The following SLC2A4 variants were observed in gnomAD, a reference collection of about 807,000 sequenced individuals.
SLC2A4 encodes the protein solute carrier family 2 member 4.
In SLC2A4, 31 loss-of-function variants were observed where a neutral mutation model predicts 53.3. The observed-to-expected ratio is 0.58, with a 90% CI of 0.44 to 0.78. The LOEUF (loss-of-function observed/expected upper bound fraction) is 0.78. Ranked by LOEUF, SLC2A4 falls within the 30% of genes least tolerant of loss-of-function variation. SLC2A4 has a pLI of 0.00. For missense variants in SLC2A4, 538 were observed against 655.7 expected (o/e 0.82, Z 1.96); for synonymous variants, 276 against 281.9 (o/e 0.98, Z 0.21).
chr17:7,287,136 T>G lies in SLC2A4; in HGVS notation c.*507T>G, dbSNP rs1261303420. On this transcript the variant is annotated 3_prime_UTR_variant, in exon 11 of 11. Transcript: ENST00000317370. ...AGGGGTTTTTTTTTTTTTTTTTTTT[T>G]TTTTTTTTGAGACAGTCTCGCTCTG... The G allele has an allele frequency of 1.3e-5, 2 of 159,820 alleles. No homozygotes were observed. Among genetic ancestry groups the G allele is most frequent in the African/African-American group, 5.1e-5 (2 of 39,002 alleles). 9.9% of individuals were successfully genotyped at this position (159,820 alleles called of 1,614,324 possible). A position where few individuals can be genotyped will look rare whatever the true frequency, so the allele number is the denominator to read the frequency against.
intron 1 of SLC2A4, 29 bp downstream of exon 1, chr17:7,281,996 G>T: frequency 6.5e-7 from 1 of 1,535,870 alleles, no homozygotes; most frequent in South Asian, 1.1e-5. Flanking sequence ...GGGCGGGGCG[G>T]GGGGGCACGG....
chr17:7,283,671 G>A lies in SLC2A4; in HGVS notation c.323+26G>A, dbSNP rs1328146827. ...GTTCGCAGCTGGAGGGCAGGGGTGG[G>A]GGAAACAGGAAGGGAGCCACTGCTG... On this transcript the variant is annotated intron_variant, in intron 3 of 10. Coordinates refer to ENST00000317370, the MANE Select transcript of SLC2A4 (RefSeq NM_001042.3). The surrounding 1 kb of genome is among the most constrained non-coding windows in gnomAD (Gnocchi z 5.8). 1 of 1,613,796 alleles carries A rather than the reference G, an allele frequency of 6.2e-7. No homozygotes were observed. The highest frequency in any genetic ancestry group is 8.5e-7 in the Non-Finnish European group (1 of 1,180,014).
At position 7,283,508 on chromosome 17, in the gene SLC2A4, G is replaced by A. The variant is rs143739087; in HGVS notation, c.186G>A (p.Gly62=). 279 of 1,613,928 alleles carry A rather than the reference G, an allele frequency of 1.7e-4. No individual in the cohort carries two copies. The African/African-American group carries it at 2.3e-3, about 13-fold the overall frequency. Residue 62 remains glycine (G), a synonymous_variant, in exon 3 of 11, where the codon GGG becomes GGA. Coordinates refer to ENST00000317370, the MANE Select transcript of SLC2A4 (RefSeq NM_001042.3). This position sits in a 1 kb window ranked among gnomAD's most constrained non-coding sequence, Gnocchi z 5.8. The stretch of plus-strand genomic sequence containing the variant: ...AGAGCTACAATGAGACGTGGCTGGG[G>A]AGGCAGGGGCCTGAGGGACCCAGCT... ...IEQSYNETWL[G]RQGPEGPSSI...
In SLC2A4 at chr17:7,285,030, G is replaced by T; in HGVS notation, c.1021-58G>T. ...TGCTCTTGGTTGCCCTCACCCACGC[G>T]GCCCCTCCTACTTCCCGTGCCCAAA... On this transcript the variant is annotated intron_variant, in intron 8 of 10. Transcript: ENST00000317370. The surrounding 1 kb of genome is among the most constrained non-coding windows in gnomAD (Gnocchi z 6.0). 1 of 1,612,404 alleles carries T rather than the reference G, an allele frequency of 6.2e-7. No homozygotes were observed. The highest frequency in any genetic ancestry group is 1.3e-5 in the African/African-American group (1 of 74,996).
Position 7,285,323 on chromosome 17 carries a change from G to A in SLC2A4, c.1122+134G>A, listed in dbSNP as rs542718077. 8.8e-6 allele frequency: 7 copies of A among 793,110 alleles called. No homozygotes were observed. The East Asian group carries it at 1.9e-4, about 21-fold the overall frequency. 49.1% of individuals were successfully genotyped at this position (793,110 alleles called of 1,614,324 possible). On this transcript the variant is annotated intron_variant, in intron 9 of 10. Coordinates refer to ENST00000317370, the MANE Select transcript of SLC2A4 (RefSeq NM_001042.3). This position sits in a 1 kb window ranked among gnomAD's most constrained non-coding sequence, Gnocchi z 6.0. Reference sequence around the variant, plus strand: ...GCGCCAGCTCCGGACCAGGACTGGGGCTGACTGGCTCCAGAATCTGCTGGG... The same window carrying A: ...GCGCCAGCTCCGGACCAGGACTGGGACTGACTGGCTCCAGAATCTGCTGGG...
At chr17:7,281,994 C>CG (rs768176546) in intron 1 of SLC2A4, 27 bp downstream of exon 1, 59 of 224,070 alleles carry the variant, frequency 2.6e-4, no homozygotes, top group South Asian at 1.4e-3. Context: ...GGGGGCGGGG[C>CG]GGGGGGGCAC....
rs35240617 is a variant in SLC2A4 at position 7,287,115 on chromosome 17, GTTTTTTTTTTTTTTTT to G, written c.*500_*515del. ...TGCCACGCAGACTCTGGGCAAAGGG[GTTTTTTTTTTTTTTTT>G]TTTTTTTTTTTTTGAGACAGTCTCG... is the stretch of plus-strand genomic sequence containing the variant. On this transcript the variant is annotated 3_prime_UTR_variant, in exon 11 of 11. Transcript: ENST00000317370. The G allele has an allele frequency of 3.1e-5, 3 of 97,698 alleles. No homozygotes were observed. In the Admixed American group the frequency reaches 3.3e-4, roughly 11 times the overall value. The allele number at this position is 97,698 out of a possible 1,614,324, so 6.1% of individuals were successfully genotyped here. A position where few individuals can be genotyped will look rare whatever the true frequency, so the allele number is the denominator to read the frequency against.
chr17:7,285,129 C>T lies in SLC2A4; in HGVS notation c.1062C>T (p.Leu354=), dbSNP rs934978630. ...GGGCGGGGCGCCGGACGCTCCATCT[C>T]CTGGGCCTGGCGGGCATGTGTGGCT... ...VERAGRRTLH[L]LGLAGMCGCA... is the part of the protein sequence containing the mutation. Residue 354 remains leucine, a synonymous_variant, in exon 9 of 11, where the codon CTC becomes CTT. Coordinates refer to ENST00000317370, the MANE Select transcript of SLC2A4 (RefSeq NM_001042.3). The surrounding 1 kb of genome is among the most constrained non-coding windows in gnomAD (Gnocchi z 6.0). 1.9e-6 allele frequency: 3 copies of T among 1,605,218 alleles called. No homozygotes were observed. Among genetic ancestry groups the T allele is most frequent in the Non-Finnish European group, 2.5e-6 (3 of 1,177,390 alleles).
rs761524084 is a variant in SLC2A4, at chr17:7,284,957, G to A, written c.1020+18G>A. 3.1e-6 allele frequency: 5 copies of A among 1,613,982 alleles called. No individual in the cohort carries two copies. Among genetic ancestry groups the A allele is most frequent in the Non-Finnish European group, 4.2e-6 (5 of 1,179,982 alleles). ...TGGTCTCGGTAACTGCTCACCTCTGGAATGGCCCGAGCCACTGGCTTCACC... is the reference window on the plus strand; with the variant it reads ...TGGTCTCGGTAACTGCTCACCTCTGAAATGGCCCGAGCCACTGGCTTCACC... On this transcript the variant is annotated intron_variant, in intron 8 of 10. Transcript: ENST00000317370. This position sits in a 1 kb window ranked among gnomAD's most constrained non-coding sequence, Gnocchi z 7.5.
At position 7,284,875 on chromosome 17, in the gene SLC2A4, T is replaced by A. The variant is rs147155858; in HGVS notation, c.956T>A (p.Val319Glu). The change falls in exon 8 of 11, where the codon GTA becomes GAA. Residue 319 changes from valine to glutamate, a missense_variant. Coordinates refer to ENST00000317370, the MANE Select transcript of SLC2A4 (RefSeq NM_001042.3). This position sits in a 1 kb window ranked among gnomAD's most constrained non-coding sequence, Gnocchi z 7.5. ...YSTSIFETAG[V>E]GQPAYATIGA... The stretch of plus-strand genomic sequence containing the variant: ...ACCAGCATCTTCGAGACAGCAGGGG[T>A]AGGCCAGCCTGCCTATGCCACCATA... 1 of 1,614,056 alleles carries A rather than the reference T, an allele frequency of 6.2e-7. No individual in the cohort carries two copies. The highest frequency in any genetic ancestry group is 8.5e-7 in the Non-Finnish European group (1 of 1,179,980).
In SLC2A4 at chr17:7,283,309, T is replaced by C; in HGVS notation, c.98T>C (p.Leu33Pro). 6.2e-7 allele frequency: 1 copy of C among 1,614,136 alleles called. No individual in the cohort carries two copies. Among genetic ancestry groups the C allele is most frequent in the Non-Finnish European group, 8.5e-7 (1 of 1,180,042 alleles). ...TLVLAVFSAV[L>P]GSLQFGYNIG... ...GTCCTTGCTGTGTTCTCTGCGGTGC[T>C]TGGCTCCCTGCAGTTTGGGTACAAC... Residue 33 changes from leucine to proline, a missense_variant, in exon 2 of 11, where the codon CTT (leucine) becomes CCT (proline). By Grantham distance (98) the Leu-to-Pro change is moderately conservative. Coordinates refer to ENST00000317370, the MANE Select transcript of SLC2A4 (RefSeq NM_001042.3). This position sits in a 1 kb window ranked among gnomAD's most constrained non-coding sequence, Gnocchi z 5.8.
At position 7,285,035 on chromosome 17, in the gene SLC2A4, C is replaced by T; in HGVS notation, c.1021-53C>T. The stretch of plus-strand genomic sequence containing the variant: ...TTGGTTGCCCTCACCCACGCGGCCC[C>T]TCCTACTTCCCGTGCCCAAAAGGCT... On this transcript the variant is annotated intron_variant, in intron 8 of 10. Coordinates refer to ENST00000317370, the MANE Select transcript of SLC2A4 (RefSeq NM_001042.3). The surrounding 1 kb of genome is among the most constrained non-coding windows in gnomAD (Gnocchi z 6.0). 6.2e-7 allele frequency: 1 copy of T among 1,612,130 alleles called. No homozygotes were observed. Among genetic ancestry groups the T allele is most frequent in the Non-Finnish European group, 8.5e-7 (1 of 1,179,350 alleles).
In SLC2A4 at chr17:7,282,540, A is replaced by C; in HGVS notation, c.33+573A>C. 1 of 400,738 alleles carries C rather than the reference A, an allele frequency of 2.5e-6. No individual in the cohort carries two copies. Among genetic ancestry groups the C allele is most frequent in the Non-Finnish European group, 5.0e-6 (1 of 198,344 alleles). 24.8% of individuals were successfully genotyped at this position (400,738 alleles called of 1,614,324 possible). ...GGCCACCACTGCCACCGCCCCTCAC[A>C]CTACCTTCCTGCCCTCCTCCCCTGG... is the stretch of plus-strand genomic sequence containing the variant. On this transcript the variant is annotated intron_variant, in intron 1 of 10. Coordinates refer to ENST00000317370, the MANE Select transcript of SLC2A4 (RefSeq NM_001042.3). The surrounding 1 kb of genome is among the most constrained non-coding windows in gnomAD (Gnocchi z 4.1).
rs760765348 is a variant in SLC2A4 at position 7,284,668 on chromosome 17, A to G, written c.911A>G (p.Asn304Ser). Reference protein sequence around the residue: ...LQLSQQLSGINAVFYYSTSIF... With the variant: ...LQLSQQLSGISAVFYYSTSIF... ...CTGAGCCAGCAGCTCTCTGGCATCA[A>G]TGCTGTATGTGTGGAGCAGCCTCCA... The change falls in exon 7 of 11, where the codon AAT (asparagine) becomes AGT (serine). Residue 304 changes from asparagine (N) to serine (S), a missense_variant. Physicochemically the swap from Asn to Ser is conservative, Grantham distance 46. Transcript: ENST00000317370. This position sits in a 1 kb window ranked among gnomAD's most constrained non-coding sequence, Gnocchi z 7.5. The G allele has an allele frequency of 3.1e-6, 5 of 1,613,982 alleles. No homozygotes were observed. The highest frequency in any genetic ancestry group is 1.1e-5 in the South Asian group (1 of 91,072).
rs1316863734 is a variant in SLC2A4 at position 7,284,479 on chromosome 17, C to T, written c.728-6C>T. The T allele has an allele frequency of 2.5e-6, 4 of 1,614,154 alleles. No individual in the cohort carries two copies. Among genetic ancestry groups the T allele is most frequent in the Non-Finnish European group, 3.4e-6 (4 of 1,180,054 alleles). On this transcript the variant is annotated splice_region_variant and splice_polypyrimidine_tract_variant and intron_variant, in intron 6 of 10. Coordinates refer to ENST00000317370, the MANE Select transcript of SLC2A4 (RefSeq NM_001042.3). The surrounding 1 kb of genome is among the most constrained non-coding windows in gnomAD (Gnocchi z 7.5). ...GTCCCCTCAGGCCTGACCTTCCCTT[C>T]TCCAGGTCTGAAGCGCCTGACAGGC...
Position 7,282,001 on chromosome 17 carries a change from G to GGGGGGGGC in SLC2A4, c.33+34_33+35insGGGGGGGC. ...CATCATGAGGGGGCGGGGCGGGGGG[G>GGGGGGGGC]CACGGGTCCCGCTTTTCTTGGGCTG... On this transcript the variant is annotated intron_variant, in intron 1 of 10. Transcript: ENST00000317370. The surrounding 1 kb of genome is among the most constrained non-coding windows in gnomAD (Gnocchi z 4.1). The GGGGGGGGC allele has an allele frequency of 3.7e-6, 2 of 535,042 alleles. No individual in the cohort carries two copies. The highest frequency in any genetic ancestry group is 2.2e-5 in the Admixed American group (1 of 46,158). The allele number at this position is 535,042 out of a possible 1,614,324, so 33.1% of individuals were successfully genotyped here. A position where few individuals can be genotyped will look rare whatever the true frequency, so the allele number is the denominator to read the frequency against.
chr17:7,285,299 C>A lies in SLC2A4; in HGVS notation c.1122+110C>A. On this transcript the variant is annotated intron_variant, in intron 9 of 10. Transcript: ENST00000317370. This position sits in a 1 kb window ranked among gnomAD's most constrained non-coding sequence, Gnocchi z 6.0. ...TTAACACACATGCTTTCAATCCTGGCGCCAGCTCCGGACCAGGACTGGGGC... is the reference window on the plus strand; with the variant it reads ...TTAACACACATGCTTTCAATCCTGGAGCCAGCTCCGGACCAGGACTGGGGC... The A allele has an allele frequency of 4.4e-6, 4 of 918,300 alleles. No individual in the cohort carries two copies. Among genetic ancestry groups the A allele is most frequent in the South Asian group, 2.8e-5 (2 of 71,610 alleles). The allele number at this position is 918,300 out of a possible 1,614,324, so 56.9% of individuals were successfully genotyped here. A position where few individuals can be genotyped will look rare whatever the true frequency, so the allele number is the denominator to read the frequency against.
chr17:7,285,210 G>A lies in SLC2A4; in HGVS notation c.1122+21G>A, dbSNP rs1052770453. Reference sequence around the variant, plus strand: ...TGCTGGTAAGGCCTGGAGGCTAGGAGGGGCTAGCAGCCCACCCCATGGGAA... The same window carrying A: ...TGCTGGTAAGGCCTGGAGGCTAGGAAGGGCTAGCAGCCCACCCCATGGGAA... On this transcript the variant is annotated intron_variant, in intron 9 of 10. Transcript: ENST00000317370. The surrounding 1 kb of genome is among the most constrained non-coding windows in gnomAD (Gnocchi z 6.0). 18 of 1,563,442 alleles carry A rather than the reference G, an allele frequency of 1.2e-5. No individual in the cohort carries two copies. The highest frequency in any genetic ancestry group is 1.9e-5 in the Admixed American group (1 of 52,908).
At chr17:7,286,073 G>T in intron 10 of SLC2A4, 165 bp downstream of exon 10, 1 of 659,136 alleles carries the variant, frequency 1.5e-6, no homozygotes, top group South Asian at 1.9e-5. Flanking sequence ...GAAGGGAGCT[G>T]ACCTAGATTG....
Sources: allele counts gnomAD v4.1 joint callset, GRCh38; gene constraint gnomAD v4.1.1; non-coding constraint Gnocchi (gnomAD v3.1); transcripts MANE v1.5; gene names NCBI Gene and HGNC (gene_info 2026-07-23, HGNC 2026-07-21).